MCTP1: variants seen among roughly 807,000 people sequenced by gnomAD.
The protein encoded by MCTP1 is multiple C2 and transmembrane domain-containing protein 1.
In MCTP1, 69 loss-of-function variants were observed where a neutral mutation model predicts 120.6. The ratio of observed to expected loss-of-function variants is 0.57; its 90% CI spans 0.47 to 0.70. The LOEUF is 0.70. Ranked by LOEUF, MCTP1 falls within the 30% of genes least tolerant of loss-of-function variation. The pLI is 0.00. For missense variants in MCTP1, 1,203 were observed against 1,248.8 expected, an observed-to-expected ratio of 0.96 and a Z score of 0.55; for synonymous variants, 529 against 493.1, an observed-to-expected ratio of 1.07 and a Z score of -0.96.
chr5:94,739,442 A>G (rs1162352776), intron 19 of MCTP1: 1 of 152,178 alleles, frequency 6.6e-6, no homozygotes, highest in African/African-American at 2.4e-5. Context: ...TAATTTAAAT[A>G]TATCATGGAA....
At chr5:95,217,934 AC>A (rs1753223083) in intron 1 of MCTP1, among the ~76,000 whole-genome samples, 1 of 151,844 alleles carries the variant, frequency 6.6e-6, no homozygotes, top group Non-Finnish European at 1.5e-5. Flanking sequence ...TATTAGATAT[AC>A]CCCCCTGCCT....
chr5:95,104,098 G>T (rs1756931242), intron 1 of MCTP1, among the ~76,000 whole-genome samples: 1 of 152,034 alleles, frequency 6.6e-6, no homozygotes, highest in Non-Finnish European at 1.5e-5. Flanking sequence ...AATTATGAAA[G>T]AAATAATACA....
intron 1 of MCTP1, among the ~76,000 whole-genome samples, chr5:95,132,808 A>G (rs193104569): frequency 2.4e-3 from 373 of 152,340 alleles, no homozygotes; most frequent in Admixed American, 4.9e-3. Flanking sequence ...GCATGGTTAC[A>G]TATTGGGTGA....
intron 1 of MCTP1, among the ~76,000 whole-genome samples, chr5:95,236,879 ACT>A (rs1755599831): frequency 6.6e-6 from 1 of 152,030 alleles, no homozygotes; most frequent in East Asian, 1.9e-4. Context: ...GTCCTTGAAG[ACT>A]CTGTTGAGCA....
intron 1 of MCTP1, among the ~76,000 whole-genome samples, chr5:95,166,568 A>AT (rs34176318): frequency 0.32 from 40,469 of 125,118 alleles, 7,111 homozygotes; most frequent in East Asian, 0.58. Flanking sequence ...AATTTTAATC[A>AT]TTTTTTTTTT....
At chr5:94,975,606 G>A (rs2153583858) in intron 2 of MCTP1, among the ~76,000 whole-genome samples, 1 of 151,820 alleles carries the variant, frequency 6.6e-6, no homozygotes, top group Non-Finnish European at 1.5e-5. Context: ...AAGCAAAGAT[G>A]GCATATCATA....
At chr5:95,040,107 C>G (rs778224249) in intron 1 of MCTP1, among the ~76,000 whole-genome samples, 3 of 152,100 alleles carry the variant, frequency 2.0e-5, no homozygotes, top group Non-Finnish European at 4.4e-5. Flanking sequence ...CATGTGAGGT[C>G]CCCCCTGCCT....
chr5:94,752,953 A>G (rs1392976403), intron 19 of MCTP1, among the ~76,000 whole-genome samples: 2 of 152,242 alleles, frequency 1.3e-5, no homozygotes, highest in African/African-American at 4.8e-5. Flanking sequence ...AACACAACAG[A>G]AAGCCCTCAT....
intron 12 of MCTP1, among the ~76,000 whole-genome samples, chr5:94,879,566 G>A (rs2153355075): frequency 6.6e-6 from 1 of 151,882 alleles, no homozygotes; most frequent in Middle Eastern, 3.4e-3. Flanking sequence ...GTTTTTATGT[G>A]GGCTATATCT....
intron 19 of MCTP1, among the ~76,000 whole-genome samples, chr5:94,776,904 C>T (rs1437582805): frequency 1.3e-5 from 2 of 152,184 alleles, no homozygotes; most frequent in Non-Finnish European, 2.9e-5. Flanking sequence ...GATCCTTTCT[C>T]ATTTCCATTT....
At position 94,863,588 on chromosome 5, in the gene MCTP1, ACTT is replaced by A. The variant is rs370841210; in HGVS notation, c.2436+4742_2436+4744del. On this transcript the variant is annotated intron_variant, in intron 17 of 22. Coordinates refer to ENST00000515393, the MANE Select transcript of MCTP1 (RefSeq NM_024717.7). The stretch of plus-strand genomic sequence containing the variant: ...GACATGCCTTTGTTTTCACATTGAT[ACTT>A]CTTCTTAAGCAATTCTCCCTTTTTG... Among the ~76,000 whole-genome samples, 22 of 152,018 alleles carry A rather than the reference ACTT, an allele frequency of 1.4e-4. No individual in the cohort carries two copies. In the East Asian group the frequency reaches 3.7e-3, roughly 26 times the overall value.
At chr5:94,713,403 C>T (rs10037940) in intron 20 of MCTP1, among the ~76,000 whole-genome samples, 82,709 of 151,896 alleles carry the variant, frequency 0.54, 22,849 homozygotes, top group African/African-American at 0.64. Flanking sequence ...CAAGCATCTG[C>T]TCTGAGGCCT....
chr5:95,018,523 T>C lies in MCTP1; in HGVS notation c.721-1039A>G, dbSNP rs143913386. On this transcript the variant is annotated intron_variant, in intron 1 of 22. Coordinates refer to ENST00000515393, the MANE Select transcript of MCTP1 (RefSeq NM_024717.7). ...GCAGCATTTTTTTTTTTTGAGGTTTTAAGACCAAGGCAAATAGCTTTGCTG... is the reference window on the plus strand; with the variant it reads ...GCAGCATTTTTTTTTTTTGAGGTTTCAAGACCAAGGCAAATAGCTTTGCTG... Among the ~76,000 whole-genome samples, 9 of 147,110 alleles carry C rather than the reference T, an allele frequency of 6.1e-5. No individual in the cohort carries two copies. The East Asian group carries it at 1.9e-3, about 31-fold the overall frequency.
chr5:94,840,282 C>T (rs376599212), intron 17 of MCTP1, among the ~76,000 whole-genome samples: 6 of 152,206 alleles, frequency 3.9e-5, no homozygotes, highest in African/African-American at 1.2e-4. Context: ...AGGAATGCAA[C>T]ACTGTATTCA....
At chr5:94,759,233 C>T (rs1770695117) in intron 19 of MCTP1, among the ~76,000 whole-genome samples, 1 of 152,128 alleles carries the variant, frequency 6.6e-6, no homozygotes, top group South Asian at 2.1e-4. Flanking sequence ...TCCATTAATT[C>T]CCGAGAAAAG....
chr5:95,194,898 CAG>C (rs893221175), intron 1 of MCTP1, among the ~76,000 whole-genome samples: 2 of 152,134 alleles, frequency 1.3e-5, no homozygotes, highest in African/African-American at 4.8e-5. Context: ...AGAGGGATGA[CAG>C]AGAAAAGGCG....
chr5:95,245,798 G>A (rs1038904310), intron 1 of MCTP1, among the ~76,000 whole-genome samples: 1 of 152,094 alleles, frequency 6.6e-6, no homozygotes, highest in African/African-American at 2.4e-5. Context: ...TAGCAAGGCA[G>A]GCCAACATTC....
At chr5:95,070,848 CT>C (rs1439758849) in intron 1 of MCTP1, among the ~76,000 whole-genome samples, 2 of 152,130 alleles carry the variant, frequency 1.3e-5, no homozygotes, top group Non-Finnish European at 2.9e-5. Flanking sequence ...TCATTCTGAT[CT>C]TAACTAGGGA....
At chr5:95,202,220 A>G (rs1008466589) in intron 1 of MCTP1, among the ~76,000 whole-genome samples, 1 of 151,814 alleles carries the variant, frequency 6.6e-6, no homozygotes, top group African/African-American at 2.4e-5. Context: ...ACACTGGAAC[A>G]CTCTTCTTCC....
Sources: allele counts gnomAD v4.1 joint callset (sites outside exome capture counted in the v4.1 genomes callset), GRCh38; gene constraint gnomAD v4.1.1; transcripts MANE v1.5; gene names NCBI Gene and HGNC (gene_info 2026-07-23, HGNC 2026-07-21).